Variants in HECW1 observed in about 807,000 individuals in gnomAD.
HECW1 encodes HECT, C2 and WW domain containing E3 ubiquitin protein ligase 1, also known as E3 ubiquitin-protein ligase HECW1.
HECW1 carries 61 observed loss-of-function variants against 182.3 expected under a neutral mutation model. That is an observed-to-expected ratio of 0.33 (90% confidence interval 0.27 to 0.41). The LOEUF (loss-of-function observed/expected upper bound fraction) is 0.41, where lower values mean the gene tolerates loss of function less well. Ranked by LOEUF, HECW1 falls within the 10% of genes least tolerant of loss-of-function variation. HECW1 has a pLI of 1.00. For synonymous variants in HECW1, 859 were observed against 832.6 expected, an observed-to-expected ratio of 1.03 and a Z score of -0.55; for missense variants, 1,739 against 2,108.9, an observed-to-expected ratio of 0.82 and a Z score of 3.44.
At chr7:43,203,171 C>T (rs1390176424) in intron 2 of HECW1, among the ~76,000 whole-genome samples, 2 of 152,146 alleles carry the variant, frequency 1.3e-5, no homozygotes, top group Non-Finnish European at 2.9e-5. Context: ...GCCCAGCCCT[C>T]TCCTTGCCTT....
At chr7:43,481,847 A>T (rs1011682306) in intron 17 of HECW1, among the ~76,000 whole-genome samples, 1 of 151,722 alleles carries the variant, frequency 6.6e-6, no homozygotes, top group African/African-American at 2.4e-5. Context: ...TTAGTCAGGC[A>T]TGGTGGCGGG....
At chr7:43,525,757 A>G (rs984618853) in intron 24 of HECW1, among the ~76,000 whole-genome samples, 2 of 152,226 alleles carry the variant, frequency 1.3e-5, no homozygotes, top group South Asian at 2.1e-4. Flanking sequence ...GGGAATCACT[A>G]TAGACCTCTA....
chr7:43,195,398 G>A (rs997220091), intron 2 of HECW1, among the ~76,000 whole-genome samples: 9 of 152,166 alleles, frequency 5.9e-5, no homozygotes, highest in African/African-American at 1.7e-4. Context: ...TGGGGGCCAG[G>A]CCCTGGGCAA....
chr7:43,528,432 G>A (rs2080849312), intron 24 of HECW1, among the ~76,000 whole-genome samples: 1 of 152,034 alleles, frequency 6.6e-6, no homozygotes, highest in Non-Finnish European at 1.5e-5. Flanking sequence ...TTATAATCTG[G>A]GAAAATGTGA....
At chr7:43,205,650 T>A (rs573701609) in intron 2 of HECW1, among the ~76,000 whole-genome samples, 3 of 152,158 alleles carry the variant, frequency 2.0e-5, no homozygotes, top group Admixed American at 6.6e-5. Context: ...GGTTGTACAC[T>A]CCACAGCATG....
chr7:43,273,197 G>A (rs887688331), intron 3 of HECW1, among the ~76,000 whole-genome samples: 1 of 152,106 alleles, frequency 6.6e-6, no homozygotes, highest in African/African-American at 2.4e-5. Context: ...TGGGGCAAGG[G>A]TTGAAAAACT....
rs149489146 is a variant in HECW1, at chr7:43,209,686, T to G, written c.-31-34189T>G. On this transcript the variant is annotated intron_variant, in intron 2 of 29. Transcript: ENST00000395891. ...ACGTACAGATGCGAAGCCTGGAGTA[T>G]CAATGTCTTTCCACAAGTGCTGGGA... Among the ~76,000 whole-genome samples the G allele has an allele frequency of 2.9e-3, 439 of 152,294 alleles. 2 individuals are homozygous for G. Among genetic ancestry groups the G allele is most frequent in the African/African-American group, 0.01 (417 of 41,568 alleles).
At position 43,311,713 on chromosome 7, in the gene HECW1, T is replaced by A; in HGVS notation, c.28-50T>A. The A allele has an allele frequency of 3.9e-6, 6 of 1,552,022 alleles. No individual in the cohort carries two copies. In the South Asian group the frequency reaches 6.7e-5, roughly 17 times the overall value. On this transcript the variant is annotated intron_variant, in intron 3 of 29. Transcript: ENST00000395891. The stretch of plus-strand genomic sequence containing the variant: ...TTCGTTTTCGTGTGATGACGGTGAC[T>A]GAGTTGCCGGCGTGCCCTGACCCTG...
intron 5 of HECW1, among the ~76,000 whole-genome samples, chr7:43,321,088 G>C (rs975509169): frequency 6.6e-6 from 1 of 152,126 alleles, no homozygotes; most frequent in African/African-American, 2.4e-5. Context: ...GTTAGACCAG[G>C]TCTTCTCAAC....
At chr7:43,501,391 A>T in intron 21 of HECW1, 69 bp downstream of exon 21, 1 of 853,146 alleles carries the variant, frequency 1.2e-6, no homozygotes, top group Non-Finnish European at 2.0e-6. Flanking sequence ...AAGGTGAATG[A>T]AAGGCAACTG....
rs551011279 is a variant in HECW1 at position 43,198,070 on chromosome 7, ACT to A, written c.-31-45800_-31-45799del. Reference sequence around the variant, plus strand: ...CCATAGTCACACACCCCACACACACACTCTCTTACACACCACACACTCACATT... The same window carrying A: ...CCATAGTCACACACCCCACACACACACTCTTACACACCACACACTCACATT... On this transcript the variant is annotated intron_variant, in intron 2 of 29. Coordinates refer to ENST00000395891, the MANE Select transcript of HECW1 (RefSeq NM_015052.5). Among the ~76,000 whole-genome samples the A allele has an allele frequency of 1.6e-4, 23 of 148,350 alleles. No homozygotes were observed. The South Asian group carries it at 4.5e-3, about 29-fold the overall frequency.
intron 2 of HECW1, among the ~76,000 whole-genome samples, chr7:43,217,369 A>C (rs1353074350): frequency 6.6e-6 from 1 of 152,248 alleles, no homozygotes; most frequent in African/African-American, 2.4e-5. Flanking sequence ...CTTTCTGGGA[A>C]TACAGATAAG....
chr7:43,263,357 TTTG>T (rs969309256), intron 3 of HECW1, among the ~76,000 whole-genome samples: 1 of 151,946 alleles, frequency 6.6e-6, no homozygotes, highest in African/African-American at 2.4e-5. Flanking sequence ...CTGAGCTCTG[TTTG>T]TTGTTGTTGT....
In HECW1 at chr7:43,509,093, T is replaced by C. The variant is rs1585130332; in HGVS notation, c.3991T>C (p.Ser1331Pro). 1 of 1,614,158 alleles carries C rather than the reference T, an allele frequency of 6.2e-7. No homozygotes were observed. The highest frequency in any genetic ancestry group is 8.5e-7 in the Non-Finnish European group (1 of 1,179,976). The change falls in exon 24 of 30, where the codon TCC (serine) becomes CCC (proline). Residue 1331 changes from serine (S) to proline (P), a missense_variant. By Grantham distance (74) the Ser-to-Pro change is moderately conservative. Coordinates refer to ENST00000395891, the MANE Select transcript of HECW1 (RefSeq NM_015052.5). ...TTACACGGTGCAGATCAGCCCCATGTCCGCATTTGTAGAAAACCATCTTGA... is the reference window on the plus strand; with the variant it reads ...TTACACGGTGCAGATCAGCCCCATGCCCGCATTTGTAGAAAACCATCTTGA... ...DTYTVQISPM[S>P]AFVENHLEWF...
At chr7:43,194,763 G>A (rs942544050) in intron 2 of HECW1, among the ~76,000 whole-genome samples, 1 of 151,120 alleles carries the variant, frequency 6.6e-6, no homozygotes, top group African/African-American at 2.4e-5. Flanking sequence ...GCACGATCTC[G>A]GCTCACTGCA....
At chr7:43,488,440 G>GA (rs1303130958) in intron 17 of HECW1, among the ~76,000 whole-genome samples, 1 of 121,156 alleles carries the variant, frequency 8.3e-6, no homozygotes, top group Non-Finnish European at 1.7e-5. Context: ...GAAAGAGAAA[G>GA]AAAGAAAGAA....
At position 43,445,365 on chromosome 7, in the gene HECW1, G is replaced by C. The variant is rs751931201; in HGVS notation, c.2193G>C (p.Thr731=). The change falls in exon 11 of 30, where the codon ACG becomes ACC. Residue 731 remains threonine, a synonymous_variant. Transcript: ENST00000395891. ...ACAGCGCCAAGATCTCCGAGAGCAC[G>C]GTCTTCTCCTCGCAAGACGACGAGG... The part of the protein sequence containing the change: ...SVDSAKISES[T]VFSSQDDEEE... 16 of 1,613,778 alleles carry C rather than the reference G, an allele frequency of 9.9e-6. No individual in the cohort carries two copies. Among genetic ancestry groups the C allele is most frequent in the Middle Eastern group, 1.6e-4 (1 of 6,062 alleles).
intron 2 of HECW1, among the ~76,000 whole-genome samples, chr7:43,173,282 GT>G (rs1791871669): frequency 6.6e-6 from 1 of 152,046 alleles, no homozygotes; most frequent in African/African-American, 2.4e-5. Context: ...AGGAAGAATG[GT>G]TTTGCTATCT....
intron 5 of HECW1, among the ~76,000 whole-genome samples, chr7:43,338,503 T>C (rs2152798517): frequency 6.6e-6 from 1 of 152,370 alleles, no homozygotes; most frequent in Non-Finnish European, 1.5e-5. Flanking sequence ...TAATTTGTTG[T>C]TCTTTTGCTA....
Sources: allele counts gnomAD v4.1 joint callset (sites outside exome capture counted in the v4.1 genomes callset), GRCh38; gene constraint gnomAD v4.1.1; transcripts MANE v1.5; gene names NCBI Gene and HGNC (gene_info 2026-07-23, HGNC 2026-07-21).